The following MIR2052HG variants were observed in gnomAD, a reference collection of about 807,000 sequenced individuals.
MIR2052HG encodes MIR2052 host gene.
intron 1 of MIR2052HG, chr8:74,603,477 G>C: frequency 6.3e-7 from 1 of 1,596,692 alleles, no homozygotes. Context: ...CTTGACGCCC[G>C]ATTATGCAGC....
chr8:74,726,053 T>G (rs1045863914), intron 4 of MIR2052HG, among the ~76,000 whole-genome samples: 1 of 151,904 alleles, frequency 6.6e-6, no homozygotes, highest in Non-Finnish European at 1.5e-5. Flanking sequence ...ATTAGCCAGG[T>G]GTGGTCGTGG....
intron 4 of MIR2052HG, among the ~76,000 whole-genome samples, chr8:74,741,216 T>C (rs1337870397): frequency 6.6e-6 from 1 of 152,232 alleles, no homozygotes; most frequent in Non-Finnish European, 1.5e-5. Flanking sequence ...TTTGCCAACA[T>C]ACTTGTAAAG....
intron 4 of MIR2052HG, among the ~76,000 whole-genome samples, chr8:74,744,496 C>T (rs1200212453): frequency 6.6e-6 from 1 of 151,522 alleles, no homozygotes; most frequent in East Asian, 1.9e-4. Flanking sequence ...CCACAACAGT[C>T]CCCAGAGTGT....
Position 74,647,457 on chromosome 8 carries a change from C to T in MIR2052HG, n.216+34517C>T, listed in dbSNP as rs559565152. Among the ~76,000 whole-genome samples the T allele has an allele frequency of 5.9e-5, 9 of 152,210 alleles. No homozygotes were observed. The South Asian group carries it at 1.9e-3, about 32-fold the overall frequency. On this transcript the variant is annotated intron_variant and non_coding_transcript_variant, in intron 2 of 6. Coordinates refer to ENST00000523442, the Ensembl canonical transcript of MIR2052HG. ...AGCATTGCAATTAGCTCCTTCTTGG[C>T]AATAAACAAATAAAAAATGGAAAAA...
intron 2 of MIR2052HG, among the ~76,000 whole-genome samples, chr8:74,649,693 C>A (rs1355237316): frequency 6.6e-6 from 1 of 151,908 alleles, no homozygotes; most frequent in East Asian, 1.9e-4. Flanking sequence ...TACACTTTTA[C>A]CTATTTAGTG....
At chr8:74,734,890 T>G (rs1197448974) in intron 4 of MIR2052HG, among the ~76,000 whole-genome samples, 1 of 152,244 alleles carries the variant, frequency 6.6e-6, no homozygotes, top group East Asian at 1.9e-4. Flanking sequence ...TCACTGTAGT[T>G]TATTCTTTCC....
At chr8:74,604,680 G>C (rs1156520785) in intron 1 of MIR2052HG, among the ~76,000 whole-genome samples, 1 of 132,364 alleles carries the variant, frequency 7.6e-6, no homozygotes, top group Non-Finnish European at 1.5e-5. Context: ...TGCAACTTCC[G>C]TCTCCCAGAT....
At chr8:74,602,817 G>GTTTCTTTCTTTTC (rs1808023550) in intron 1 of MIR2052HG, among the ~76,000 whole-genome samples, 1 of 73,786 alleles carries the variant, frequency 1.4e-5, no homozygotes, top group African/African-American at 6.3e-5. Context: ...GCCCGGCCGT[G>GTTTCTTTCTTTTC]TTTCTTTCTT....
chr8:74,672,594 G>A (rs1357497977), intron 2 of MIR2052HG, among the ~76,000 whole-genome samples: 1 of 152,016 alleles, frequency 6.6e-6, no homozygotes, highest in Non-Finnish European at 1.5e-5. Context: ...TGAAGGTTCA[G>A]GGAGAATGGG....
intron 2 of MIR2052HG, among the ~76,000 whole-genome samples, chr8:74,678,291 G>T (rs980902148): frequency 1.3e-5 from 2 of 152,126 alleles, no homozygotes; most frequent in African/African-American, 4.8e-5. Context: ...GGACGTGGTG[G>T]CTCAGGCCTG....
intron 1 of MIR2052HG, among the ~76,000 whole-genome samples, chr8:74,600,200 C>G (rs1014045570): frequency 2.6e-5 from 4 of 152,102 alleles, no homozygotes; most frequent in African/African-American, 7.2e-5. Flanking sequence ...GCGTCACTCA[C>G]GCTGGGAGCT....
intron 2 of MIR2052HG, among the ~76,000 whole-genome samples, chr8:74,643,806 G>C (rs760255358): frequency 1.2e-4 from 18 of 152,134 alleles, no homozygotes; most frequent in Non-Finnish European, 2.5e-4. Flanking sequence ...TGAGCAAACA[G>C]ACATTCACCA....
intron 2 of MIR2052HG, among the ~76,000 whole-genome samples, chr8:74,689,372 A>C (rs1440265970): frequency 6.6e-6 from 1 of 152,198 alleles, no homozygotes; most frequent in Non-Finnish European, 1.5e-5. Context: ...TTTTCTTGCC[A>C]ATTCCATTTG....
intron 1 of MIR2052HG, chr8:74,603,944 T>G (rs1364642438): frequency 1.2e-5 from 12 of 1,019,816 alleles, no homozygotes; most frequent in Non-Finnish European, 1.7e-5. Context: ...ACCACCAGCC[T>G]CAGGGTGACT....
intron 4 of MIR2052HG, among the ~76,000 whole-genome samples, chr8:74,728,913 A>C (rs1809662307): frequency 6.6e-6 from 1 of 152,070 alleles, no homozygotes; most frequent in Admixed American, 6.6e-5. Context: ...CATTCTTACT[A>C]TATAGCATTG....
chr8:74,617,532 T>C (rs1157909596), intron 2 of MIR2052HG, among the ~76,000 whole-genome samples: 3 of 152,054 alleles, frequency 2.0e-5, no homozygotes, highest in African/African-American at 7.2e-5. Context: ...AAAAATGTGG[T>C]GTATATACAT....
At chr8:74,721,286 A>C (rs1210165082) in intron 4 of MIR2052HG, among the ~76,000 whole-genome samples, 5 of 152,218 alleles carry the variant, frequency 3.3e-5, no homozygotes, top group Admixed American at 1.3e-4. Flanking sequence ...TCCTAGCTGC[A>C]AGGAAAGCTA....
At chr8:74,649,336 T>G (rs989097417) in intron 2 of MIR2052HG, among the ~76,000 whole-genome samples, 1 of 152,126 alleles carries the variant, frequency 6.6e-6, no homozygotes, top group Non-Finnish European at 1.5e-5. Flanking sequence ...TTTTGCATTT[T>G]TGTGTGTGTG....
At chr8:74,673,910 T>TATATATATATATATACACAC (rs1485340799) in intron 2 of MIR2052HG, among the ~76,000 whole-genome samples, 2 of 133,244 alleles carry the variant, frequency 1.5e-5, no homozygotes, top group African/African-American at 6.8e-5. Context: ...TATATATATA[T>TATATATATATATATACACAC]ACACACACAA....
Sources: gnomAD v4.1 joint callset for allele counts (sites outside exome capture counted in the v4.1 genomes callset) on GRCh38, gnomAD v4.1.1 for gene constraint, MANE v1.5 for transcripts, NCBI Gene and HGNC (gene_info 2026-07-23, HGNC 2026-07-21) for gene names.